U2SURP: variants seen among roughly 807,000 people sequenced by gnomAD.
U2SURP encodes the protein U2 snRNP associated SURP domain containing.
U2SURP carries 9 observed loss-of-function variants against 144.9 expected under a neutral mutation model. The observed-to-expected ratio is 0.06, with a 90% CI of 0.04 to 0.11. The LOEUF is 0.11. Ranked by LOEUF, U2SURP falls within the 10% of genes least tolerant of loss-of-function variation. The probability of loss-of-function intolerance (pLI) is 1.00; values close to 1 mark genes in which losing one functional copy is unlikely to be tolerated. For missense variants in U2SURP, 724 were observed against 1,226.7 expected (o/e 0.59, Z 6.12); for synonymous variants, 408 against 396.8 (o/e 1.03, Z -0.33).
chr3:143,038,864 G>C (rs990017091), intron 22 of U2SURP, 30 bp from the exon 23 acceptor site: 3 of 1,503,270 alleles, frequency 2.0e-6, no homozygotes, highest in Non-Finnish European at 2.7e-6. Context: ...TTACCTCGTG[G>C]AATTACATCC....
intron 13 of U2SURP, chr3:143,025,915 G>A (rs1933118690): frequency 6.6e-6 from 1 of 151,950 alleles, no homozygotes; most frequent in Non-Finnish European, 1.5e-5. Context: ...TCTGAAATAG[G>A]GCATTATAGA....
At chr3:143,034,802 C>A in intron 18 of U2SURP, 86 bp from the exon 19 acceptor site, 5 of 791,526 alleles carry the variant, frequency 6.3e-6, no homozygotes, top group Non-Finnish European at 8.3e-6. Flanking sequence ...ATTTTAAGTT[C>A]AGGAGGGGTT....
At chr3:143,007,856 A>G (rs774258272) in intron 1 of U2SURP, among the ~76,000 whole-genome samples, 2 of 152,246 alleles carry the variant, frequency 1.3e-5, no homozygotes, top group African/African-American at 2.4e-5. Flanking sequence ...GGAGAAGCTC[A>G]GCTTCTGAAG....
chr3:143,015,892 A>G (rs1166793860), intron 4 of U2SURP, among the ~76,000 whole-genome samples: 2 of 152,116 alleles, frequency 1.3e-5, no homozygotes, highest in Non-Finnish European at 2.9e-5. Flanking sequence ...TTTGAAAAAT[A>G]TTTATATTCA....
At chr3:143,015,319 A>G (rs990933475) in intron 4 of U2SURP, among the ~76,000 whole-genome samples, 1 of 151,754 alleles carries the variant, frequency 6.6e-6, no homozygotes, top group Non-Finnish European at 1.5e-5. Flanking sequence ...ACAAGGTACA[A>G]TTTTTTTTCT....
At chr3:143,044,631 A>T (rs1328932282) in intron 24 of U2SURP, among the ~76,000 whole-genome samples, 1 of 152,202 alleles carries the variant, frequency 6.6e-6, no homozygotes, top group African/African-American at 2.4e-5. Context: ...TTTAGCAATC[A>T]GTCTCAAACC....
At position 143,056,752 on chromosome 3, in the gene U2SURP, G is replaced by C; in HGVS notation, c.*302G>C. On this transcript the variant is annotated 3_prime_UTR_variant, in exon 28 of 28. Transcript: ENST00000473835. ...TAGTAGTATTTTGTTTTAGGATGTT[G>C]TGACTTAGCAAAAATAATACAGATG... 4.6e-6 allele frequency: 1 copy of C among 216,414 alleles called. No homozygotes were observed. The highest frequency in any genetic ancestry group is 9.8e-5 in the East Asian group (1 of 10,250). 13.4% of individuals were successfully genotyped at this position (216,414 alleles called of 1,614,324 possible).
chr3:143,049,756 A>T (rs1049662519), intron 24 of U2SURP, among the ~76,000 whole-genome samples: 2 of 152,200 alleles, frequency 1.3e-5, no homozygotes, highest in Non-Finnish European at 2.9e-5. Flanking sequence ...ATAAATCATG[A>T]ATTTATTCTT....
chr3:143,028,793 T>G, intron 16 of U2SURP, 147 bp downstream of exon 16: 1 of 705,278 alleles, frequency 1.4e-6, no homozygotes, highest in Non-Finnish European at 2.3e-6. Flanking sequence ...TCATGTGCTT[T>G]ATAATTTTAA....
At position 143,012,414 on chromosome 3, in the gene U2SURP, TTGAC is replaced by T. The variant is rs778116556; in HGVS notation, c.222+65_222+68del. 8.3e-6 allele frequency: 12 copies of T among 1,445,120 alleles called. No individual in the cohort carries two copies. In the East Asian group the frequency reaches 2.7e-4, roughly 33 times the overall value. The allele number at this position is 1,445,120 out of a possible 1,614,324, so 89.5% of individuals were successfully genotyped here. ...GATAGTTAATGATTTTAATCTGTCT[TTGAC>T]TGAATTTAGTGGTCGAATATTTGGT... On this transcript the variant is annotated intron_variant, in intron 3 of 27. Coordinates refer to ENST00000473835, the MANE Select transcript of U2SURP (RefSeq NM_001080415.2).
chr3:143,034,157 A>C (rs555045838), intron 18 of U2SURP, among the ~76,000 whole-genome samples: 1 of 152,326 alleles, frequency 6.6e-6, no homozygotes, highest in Non-Finnish European at 1.5e-5. Flanking sequence ...TAATCTCAGC[A>C]CTTTGGGAGG....
At chr3:143,020,147 C>T (rs1191754772) in intron 7 of U2SURP, 111 bp downstream of exon 7, 1 of 602,930 alleles carries the variant, frequency 1.7e-6, no homozygotes, top group African/African-American at 1.9e-5. Context: ...AACCAGTTTG[C>T]TATGAGATTG....
At chr3:143,017,149 G>A (rs1936412365) in intron 6 of U2SURP, 174 bp downstream of exon 6, 1 of 470,464 alleles carries the variant, frequency 2.1e-6, no homozygotes. Context: ...TTAATGAATT[G>A]GGACACGTAG....
At chr3:143,004,995 T>A (rs1935762202) in intron 1 of U2SURP, among the ~76,000 whole-genome samples, 7 of 152,178 alleles carry the variant, frequency 4.6e-5, no homozygotes, top group Admixed American at 4.6e-4. Context: ...AAAATTACTG[T>A]TTTTGACTGT....
intron 22 of U2SURP, 140 bp from the exon 23 acceptor site, chr3:143,038,752 CTA>C (rs1933941541): frequency 1.8e-6 from 1 of 547,130 alleles, no homozygotes; most frequent in African/African-American, 2.0e-5. Flanking sequence ...ATAGAAATAA[CTA>C]TTTAGAGAAT....
At chr3:143,022,685 T>C (rs1301360523) in intron 11 of U2SURP, 23 bp downstream of exon 11, 3 of 1,594,682 alleles carry the variant, frequency 1.9e-6, no homozygotes, top group Non-Finnish European at 2.6e-6. Flanking sequence ...TTATTATCCA[T>C]TTATACAATT....
chr3:143,033,442 G>C (rs1205135430), intron 18 of U2SURP, 92 bp downstream of exon 18: 1 of 684,062 alleles, frequency 1.5e-6, no homozygotes, highest in Non-Finnish European at 2.4e-6. Context: ...CATCCTGCAA[G>C]AATAAGAAGT....
intron 7 of U2SURP, 68 bp downstream of exon 7, chr3:143,020,104 A>G (rs1341065849): frequency 2.1e-6 from 2 of 961,332 alleles, no homozygotes; most frequent in Admixed American, 3.3e-5. Context: ...AGATGCAAGT[A>G]TAAAGAATAT....
intron 24 of U2SURP, among the ~76,000 whole-genome samples, chr3:143,049,487 A>G (rs1294705700): frequency 5.3e-5 from 8 of 152,206 alleles, no homozygotes; most frequent in Admixed American, 2.0e-4. Flanking sequence ...TCATGGGACA[A>G]GAATGCTTCC....
Sources: allele counts gnomAD v4.1 joint callset (sites outside exome capture counted in the v4.1 genomes callset), GRCh38; gene constraint gnomAD v4.1.1; transcripts MANE v1.5; gene names NCBI Gene and HGNC (gene_info 2026-07-23, HGNC 2026-07-21).